KCNQ1: variants seen among roughly 807,000 people sequenced by gnomAD.
KCNQ1 encodes potassium voltage-gated channel subfamily KQT member 1.
In KCNQ1, 49 loss-of-function variants were observed where a neutral mutation model predicts 72.4. That is an observed-to-expected ratio of 0.68 (90% CI 0.54 to 0.86). The LOEUF is 0.86. KCNQ1 is among the 40% of genes least tolerant of loss of function. The pLI, the probability that KCNQ1 is intolerant of heterozygous loss-of-function variation, is 0.00. For synonymous variants in KCNQ1, 450 were observed against 412.6 expected, an observed-to-expected ratio of 1.09 and a Z score of -1.10; for missense variants, 790 against 945.1, an observed-to-expected ratio of 0.84 and a Z score of 2.15.
At chr11:2,556,679 G>A (rs577328712) in intron 2 of KCNQ1, among the ~76,000 whole-genome samples, 16 of 152,206 alleles carry the variant, frequency 1.1e-4, no homozygotes, top group African/African-American at 2.9e-4. Context: ...CCACAGAGCC[G>A]TTGATGGGGT....
In KCNQ1 at chr11:2,473,090, A is replaced by G. The variant is rs7119581; in HGVS notation, c.386+27606A>G. On this transcript the variant is annotated intron_variant, in intron 1 of 15. Transcript: ENST00000155840. This position sits in a 1 kb window ranked among gnomAD's most constrained non-coding sequence, Gnocchi z 6.0. The stretch of plus-strand genomic sequence containing the variant: ...GGGAGCGCCTTCTGGGCAGAGTGGC[A>G]CACAGGGTCCCACCCATCTCAAGTC... 0.56 allele frequency among the ~76,000 whole-genome samples: 84,626 copies of G among 151,756 alleles called. 24,698 individuals are homozygous for G. The highest frequency in any genetic ancestry group is 0.65 in the Non-Finnish European group (43,778 of 67,868).
At chr11:2,757,278 A>T (rs1289062521) in intron 11 of KCNQ1, among the ~76,000 whole-genome samples, 2 of 152,216 alleles carry the variant, frequency 1.3e-5, no homozygotes, top group Non-Finnish European at 2.9e-5. Flanking sequence ...ATTTCTATAC[A>T]CTAACAATGA....
chr11:2,729,718 C>G (rs1450496622), intron 11 of KCNQ1, among the ~76,000 whole-genome samples: 2 of 152,102 alleles, frequency 1.3e-5, no homozygotes, highest in African/African-American at 2.4e-5. Context: ...ATGTCAGTAT[C>G]ACACCATTTC....
rs140877083 is a variant in KCNQ1, at chr11:2,835,777, G to A, written c.1795-11990G>A. On this transcript the variant is annotated intron_variant, in intron 15 of 15. Coordinates refer to ENST00000155840, the MANE Select transcript of KCNQ1 (RefSeq NM_000218.3). The stretch of plus-strand genomic sequence containing the variant: ...CTTAAAGGAGGGAAAGGGTGGCCTG[G>A]GGCTCACAGAGGAAAAGCCTTCCTC... Among the ~76,000 whole-genome samples the A allele has an allele frequency of 1.2e-4, 18 of 152,258 alleles. No homozygotes were observed. In the East Asian group the frequency reaches 2.1e-3, roughly 18 times the overall value.
At position 2,642,765 on chromosome 11, in the gene KCNQ1, A is replaced by T. The variant is rs1849599953; in HGVS notation, c.1394-19196A>T. 1.5e-5 allele frequency: 6 copies of T among 397,408 alleles called. No individual in the cohort carries two copies. Among genetic ancestry groups the T allele is most frequent in the Non-Finnish European group, 1.8e-5 (4 of 225,540 alleles). 24.6% of individuals were successfully genotyped at this position (397,408 alleles called of 1,614,324 possible). On this transcript the variant is annotated intron_variant, in intron 10 of 15. Transcript: ENST00000155840. The surrounding 1 kb of genome is among the most constrained non-coding windows in gnomAD (Gnocchi z 4.3). ...TTCAGGTGTATCATTAGATTATTTAAGATCTTTTCTACCTTTTTTAATGGA... is the reference window on the plus strand; with the variant it reads ...TTCAGGTGTATCATTAGATTATTTATGATCTTTTCTACCTTTTTTAATGGA...
chr11:2,583,830 G>A (rs1208306453), intron 7 of KCNQ1, among the ~76,000 whole-genome samples: 1 of 152,214 alleles, frequency 6.6e-6, no homozygotes, highest in Non-Finnish European at 1.5e-5. Flanking sequence ...TCAGCCCTGG[G>A]TGGGTGGGCA....
At position 2,446,013 on chromosome 11, in the gene KCNQ1, C is replaced by G. The variant is rs1846031566; in HGVS notation, c.386+529C>G. On this transcript the variant is annotated intron_variant, in intron 1 of 15. Coordinates refer to ENST00000155840, the MANE Select transcript of KCNQ1 (RefSeq NM_000218.3). This position sits in a 1 kb window ranked among gnomAD's most constrained non-coding sequence, Gnocchi z 8.8. ...CCCTGAGGGCTCAGCATGCCACGGG[C>G]CGTCCCCACGGGCCCCACATTAACT... Among the ~76,000 whole-genome samples, 1 of 152,064 alleles carries G rather than the reference C, an allele frequency of 6.6e-6. No individual in the cohort carries two copies.
In KCNQ1 at chr11:2,566,451, G is replaced by C. The variant is rs1197863906; in HGVS notation, c.478-4177G>C. On this transcript the variant is annotated intron_variant, in intron 2 of 15. Coordinates refer to ENST00000155840, the MANE Select transcript of KCNQ1 (RefSeq NM_000218.3). The surrounding 1 kb of genome is among the most constrained non-coding windows in gnomAD (Gnocchi z 6.7). ...CCTAAGCTGCGGGTGACCTGACCTAGTTGAGCCTGGCTTTCCTCCTCTGTA... is the reference window on the plus strand; with the variant it reads ...CCTAAGCTGCGGGTGACCTGACCTACTTGAGCCTGGCTTTCCTCCTCTGTA... Among the ~76,000 whole-genome samples, 1 of 152,136 alleles carries C rather than the reference G, an allele frequency of 6.6e-6. No individual in the cohort carries two copies.
At chr11:2,505,165 T>TA (rs1412935315) in intron 1 of KCNQ1, among the ~76,000 whole-genome samples, 7 of 152,174 alleles carry the variant, frequency 4.6e-5, no homozygotes, top group African/African-American at 1.4e-4. Context: ...ACCCATCACC[T>TA]AGGTGTTAAG....
intron 1 of KCNQ1, among the ~76,000 whole-genome samples, chr11:2,522,328 C>T (rs560241879): frequency 2.0e-5 from 3 of 152,324 alleles, no homozygotes; most frequent in Non-Finnish European, 4.4e-5. Flanking sequence ...CTGCTTCCCA[C>T]TCCGAGTCCA....
In KCNQ1 at chr11:2,623,192, A is replaced by G; in HGVS notation, c.1393+34338A>G. ...GCCTGCTTCTCCTTTGCCTTCCGCC[A>G]TGATTTTAAGTTTCTGAGGCCTGCC... On this transcript the variant is annotated intron_variant, in intron 10 of 15. Coordinates refer to ENST00000155840, the MANE Select transcript of KCNQ1 (RefSeq NM_000218.3). This position sits in a 1 kb window ranked among gnomAD's most constrained non-coding sequence, Gnocchi z 5.2. 2.5e-6 allele frequency: 1 copy of G among 398,614 alleles called. No homozygotes were observed. Among genetic ancestry groups the G allele is most frequent in the Non-Finnish European group, 4.4e-6 (1 of 226,134 alleles). 24.7% of individuals were successfully genotyped at this position (398,614 alleles called of 1,614,324 possible). A position where few individuals can be genotyped will look rare whatever the true frequency, so the allele number is the denominator to read the frequency against.
At chr11:2,539,090 C>T (rs377485517) in intron 2 of KCNQ1, among the ~76,000 whole-genome samples, 11 of 152,054 alleles carry the variant, frequency 7.2e-5, no homozygotes, top group African/African-American at 1.9e-4. Flanking sequence ...GTGGGGCAGC[C>T]GAGGCATGAG....
In KCNQ1 at chr11:2,686,577, C is replaced by T. The variant is rs1211114277; in HGVS notation, c.1514+24496C>T. On this transcript the variant is annotated intron_variant, in intron 11 of 15. Coordinates refer to ENST00000155840, the MANE Select transcript of KCNQ1 (RefSeq NM_000218.3). ...GCTCCTGCAAGGACAGCTGTGGTGA[C>T]TAGAATGGCAGCTTGGCTACTAGCA... is the stretch of plus-strand genomic sequence containing the variant. The T allele has an allele frequency of 7.5e-6, 3 of 398,690 alleles. No homozygotes were observed. In the South Asian group the frequency reaches 3.8e-4, roughly 51 times the overall value. 24.7% of individuals were successfully genotyped at this position (398,690 alleles called of 1,614,324 possible). A position where few individuals can be genotyped will look rare whatever the true frequency, so the allele number is the denominator to read the frequency against.
At chr11:2,553,088 C>G (rs1160154530) in intron 2 of KCNQ1, among the ~76,000 whole-genome samples, 2 of 150,824 alleles carry the variant, frequency 1.3e-5, no homozygotes, top group African/African-American at 4.9e-5. Context: ...ATTAACCTTG[C>G]GTCCTGTGAC....
rs940106590 is a variant in KCNQ1, at chr11:2,516,150, G to A, written c.387-11778G>A. Among the ~76,000 whole-genome samples the A allele has an allele frequency of 2.6e-5, 4 of 152,052 alleles. No individual in the cohort carries two copies. The highest frequency in any genetic ancestry group is 9.7e-5 in the African/African-American group (4 of 41,392). ...TTTCGGGGTGCTTCGAGGTGCTGTG[G>A]GGACCTGTGATGCTGTCAGGGAGAC... On this transcript the variant is annotated intron_variant, in intron 1 of 15. Coordinates refer to ENST00000155840, the MANE Select transcript of KCNQ1 (RefSeq NM_000218.3). The surrounding 1 kb of genome is among the most constrained non-coding windows in gnomAD (Gnocchi z 7.0).
At chr11:2,633,544 T>A in intron 10 of KCNQ1, 1 of 398,604 alleles carries the variant, frequency 2.5e-6, no homozygotes, top group Non-Finnish European at 4.4e-6. Context: ...TTGATTTTTT[T>A]ATATGCTGAG....
In KCNQ1 at chr11:2,664,389, G is replaced by T; in HGVS notation, c.1514+2308G>T. ...AGTCAGGGTACGGTCCCTCCAGAGA[G>T]GCCTGAAGGGGAGAGTGGGCACGTA... On this transcript the variant is annotated intron_variant, in intron 11 of 15. Coordinates refer to ENST00000155840, the MANE Select transcript of KCNQ1 (RefSeq NM_000218.3). The surrounding 1 kb of genome is among the most constrained non-coding windows in gnomAD (Gnocchi z 5.1). 2.5e-6 allele frequency: 1 copy of T among 398,810 alleles called. No homozygotes were observed. Among genetic ancestry groups the T allele is most frequent in the East Asian group, 3.6e-5 (1 of 28,092 alleles). The allele number at this position is 398,810 out of a possible 1,614,324, so 24.7% of individuals were successfully genotyped here.
chr11:2,610,549 A>G (rs564699891), intron 10 of KCNQ1: 2 of 398,316 alleles, frequency 5.0e-6, no homozygotes, highest in East Asian at 3.6e-5. Flanking sequence ...GCTTTTGGAT[A>G]TATGTGAACT....
At chr11:2,797,601 C>A (rs1406201910) in intron 15 of KCNQ1, among the ~76,000 whole-genome samples, 1 of 152,150 alleles carries the variant, frequency 6.6e-6, no homozygotes, top group Admixed American at 6.5e-5. Context: ...TAGCATCTGA[C>A]CGCCTTCTTG....
Sources: gnomAD v4.1 joint callset for allele counts (sites outside exome capture counted in the v4.1 genomes callset) on GRCh38, gnomAD v4.1.1 for gene constraint, Gnocchi (gnomAD v3.1) non-coding constraint, MANE v1.5 for transcripts, NCBI Gene and HGNC (gene_info 2026-07-23, HGNC 2026-07-21) for gene names.